SACS: variants seen among roughly 807,000 people sequenced by gnomAD.
SACS encodes the protein sacsin molecular chaperone.
Under a neutral mutation model 348.0 loss-of-function variants are expected in SACS, and 197 were observed. The ratio of observed to expected loss-of-function variants is 0.57; its 90% CI spans 0.50 to 0.64. The LOEUF is 0.64. SACS is among the 30% of genes least tolerant of loss of function. The pLI is 0.00. For synonymous variants in SACS, 1,985 were observed against 1,910.6 expected (o/e 1.04, Z -1.02); for missense variants, 4,999 against 5,360.8 (o/e 0.93, Z 2.11).
At chr13:23,361,905 A>G (rs1332197947) in intron 6 of SACS, among the ~76,000 whole-genome samples, 1 of 152,216 alleles carries the variant, frequency 6.6e-6, no homozygotes, top group African/African-American at 2.4e-5. Flanking sequence ...TACCCAAGAA[A>G]GAAAGAGATG....
rs757255802 is a variant in SACS, at chr13:23,333,391, C to T, written c.10485G>A (p.Glu3495=). ...IENLSYDAKL[E]HLIYLKNRLS... ...ATCTATTCTTAAGGTAGATCAAGTGCTCTAATTTTGCATCATAAGAGAGAT... is the reference window on the plus strand; with the variant it reads ...ATCTATTCTTAAGGTAGATCAAGTGTTCTAATTTTGCATCATAAGAGAGAT... Residue 3495 remains glutamate, a synonymous_variant, in exon 10 of 10, where the codon GAG becomes GAA. Coordinates refer to ENST00000382292, the MANE Select transcript of SACS (RefSeq NM_014363.6). The T allele has an allele frequency of 3.1e-6, 5 of 1,604,836 alleles. No individual in the cohort carries two copies. In the South Asian group the frequency reaches 4.5e-5, roughly 14 times the overall value.
At chr13:23,345,222 T>G (rs1306620092) in intron 9 of SACS, among the ~76,000 whole-genome samples, 1 of 152,204 alleles carries the variant, frequency 6.6e-6, no homozygotes, top group African/African-American at 2.4e-5. Flanking sequence ...AATCTCTTTG[T>G]AAATGTACAG....
chr13:23,431,991 G>A (rs1332659046), intron 1 of SACS, among the ~76,000 whole-genome samples: 3 of 152,164 alleles, frequency 2.0e-5, no homozygotes, highest in Non-Finnish European at 2.9e-5. Context: ...CCTGCTAGGC[G>A]CCTTCATACA....
intron 9 of SACS, among the ~76,000 whole-genome samples, chr13:23,350,550 A>T (rs915612316): frequency 6.6e-6 from 1 of 152,186 alleles, no homozygotes; most frequent in Non-Finnish European, 1.5e-5. Context: ...TTAGAGGAAA[A>T]GTTTCCATAT....
At position 23,409,040 on chromosome 13, in the gene SACS, C is replaced by CTTTT. The variant is rs1175897856; in HGVS notation, c.20+2176_20+2179dup. On this transcript the variant is annotated intron_variant, in intron 2 of 9. Coordinates refer to ENST00000382292, the MANE Select transcript of SACS (RefSeq NM_014363.6). ...TATGGTCTTAATAAAACAAGTTTTA[C>CTTTT]TTTTTTTTTTTTTTTTTTTTTTTTT... 2.8e-3 allele frequency among the ~76,000 whole-genome samples: 99 copies of CTTTT among 35,148 alleles called. 25 individuals are homozygous for CTTTT. Among genetic ancestry groups the CTTTT allele is most frequent in the African/African-American group, 3.4e-3 (30 of 8,724 alleles). The allele number at this position is 35,148 out of a possible 152,430, so 23.1% of individuals were successfully genotyped here. A position where few individuals can be genotyped will look rare whatever the true frequency, so the allele number is the denominator to read the frequency against.
At chr13:23,382,520 T>C (rs1872102103) in intron 2 of SACS, among the ~76,000 whole-genome samples, 1 of 152,226 alleles carries the variant, frequency 6.6e-6, no homozygotes. Context: ...GAAAAAAAGT[T>C]TATTTACTCA....
Position 23,371,168 on chromosome 13 carries a change from G to GA in SACS, c.172-4dup, listed in dbSNP as rs922771267. The GA allele has an allele frequency of 5.0e-6, 8 of 1,590,604 alleles. No individual in the cohort carries two copies. Among genetic ancestry groups the GA allele is most frequent in the Non-Finnish European group, 6.0e-6 (7 of 1,163,126 alleles). On this transcript the variant is annotated splice_region_variant and splice_polypyrimidine_tract_variant and intron_variant, in intron 3 of 9. Coordinates refer to ENST00000382292, the MANE Select transcript of SACS (RefSeq NM_014363.6). Reference sequence around the variant, plus strand: ...CCAATCTTGATCCAGTCAGATAACTGAAAAAAAGCAAAAGAAAATGTATGA... The same window carrying GA: ...CCAATCTTGATCCAGTCAGATAACTGAAAAAAAAGCAAAAGAAAATGTATGA...
At chr13:23,390,505 T>A (rs948552951) in intron 2 of SACS, among the ~76,000 whole-genome samples, 3 of 152,032 alleles carry the variant, frequency 2.0e-5, no homozygotes, top group Non-Finnish European at 4.4e-5. Flanking sequence ...ACAAAAAATA[T>A]AAAAATTAGC....
In SACS at chr13:23,338,576, A is replaced by T. The variant is rs549282518; in HGVS notation, c.5300T>A (p.Phe1767Tyr). 1 of 1,614,120 alleles carries T rather than the reference A, an allele frequency of 6.2e-7. No individual in the cohort carries two copies. The highest frequency in any genetic ancestry group is 2.2e-5 in the East Asian group (1 of 44,876). ...SCILQITVEE[F>Y]HHVFRRIADL... ...AGCAATCCTTCTGAACACATGGTGA[A>T]ATTCTTCCACTGTGATCTGAAGAAT... Residue 1767 changes from phenylalanine (F) to tyrosine (Y), a missense_variant, in exon 10 of 10, where the codon TTT becomes TAT. Around this residue, in one of 6 missense-constraint regions of SACS, gnomAD observed 3,156 missense variants for 3,380.1 expected, o/e 0.93. Transcript: ENST00000382292.
In SACS at chr13:23,330,712, C is replaced by T. The variant is rs751944796; in HGVS notation, c.13164G>A (p.Gln4388=). The T allele has an allele frequency of 1.2e-6, 2 of 1,614,046 alleles. No homozygotes were observed. Among genetic ancestry groups the T allele is most frequent in the South Asian group, 2.2e-5 (2 of 91,054 alleles). Residue 4388 remains glutamine, a synonymous_variant, in exon 10 of 10, where the codon CAG becomes CAA. Coordinates refer to ENST00000382292, the MANE Select transcript of SACS (RefSeq NM_014363.6). ...RTFSTSASRF[Q]SDKYSFQRFY... is the part of the protein sequence containing the mutation. ...ATCTCTGAAATGAGTATTTGTCTGA[C>T]TGAAATCGGGATGCTGAGGTTGAAA...
chr13:23,350,326 T>C (rs1415662722), intron 9 of SACS, among the ~76,000 whole-genome samples: 2 of 152,158 alleles, frequency 1.3e-5, no homozygotes, highest in Non-Finnish European at 2.9e-5. Context: ...TGGACTATGA[T>C]AGAATACAAG....
At chr13:23,399,267 T>C (rs1872849342) in intron 2 of SACS, among the ~76,000 whole-genome samples, 1 of 152,164 alleles carries the variant, frequency 6.6e-6, no homozygotes, top group African/African-American at 2.4e-5. Context: ...GTTTAATTTC[T>C]GACCTCCTTT....
At chr13:23,378,973 C>A (rs371627158) in intron 2 of SACS, among the ~76,000 whole-genome samples, 1 of 152,192 alleles carries the variant, frequency 6.6e-6, no homozygotes, top group African/African-American at 2.4e-5. Context: ...AAAATACACT[C>A]TGATGCACTT....
At chr13:23,381,316 T>C (rs1009695609) in intron 2 of SACS, among the ~76,000 whole-genome samples, 1 of 151,054 alleles carries the variant, frequency 6.6e-6, no homozygotes, top group South Asian at 2.1e-4. Context: ...CTCCAGCGCA[T>C]GGCAATATCA....
rs369388933 is a variant in SACS, at chr13:23,337,391, T to C, written c.6485A>G (p.Asp2162Gly). The C allele has an allele frequency of 1.9e-6, 3 of 1,613,374 alleles. No individual in the cohort carries two copies. Among genetic ancestry groups the C allele is most frequent in the Non-Finnish European group, 2.5e-6 (3 of 1,179,790 alleles). Residue 2162 changes from aspartate (D) to glycine (G), a missense_variant, in exon 10 of 10, where the codon GAT becomes GGT. Transcript: ENST00000382292. ...TACTGACACTGCACGTTCTAGCATA[T>C]CATCCCATAAAATATCATCTTTTGC... is the stretch of plus-strand genomic sequence containing the variant. ...GMAKDDILWD[D>G]MLERAVSVAE...
Position 23,341,712 on chromosome 13 carries a change from G to A in SACS, c.2186-22C>T, listed in dbSNP as rs543690486. ...CTTCCTGTAAATCATACACAGAAATGTCATAAATACATATAATTCTACTAC... is the reference window on the plus strand; with the variant it reads ...CTTCCTGTAAATCATACACAGAAATATCATAAATACATATAATTCTACTAC... On this transcript the variant is annotated intron_variant, in intron 9 of 9. Coordinates refer to ENST00000382292, the MANE Select transcript of SACS (RefSeq NM_014363.6). 5.8e-6 allele frequency: 9 copies of A among 1,558,828 alleles called. No homozygotes were observed. The South Asian group carries it at 8.9e-5, about 15-fold the overall frequency.
At chr13:23,347,195 G>A (rs1274905474) in intron 9 of SACS, among the ~76,000 whole-genome samples, 1 of 152,104 alleles carries the variant, frequency 6.6e-6, no homozygotes, top group Non-Finnish European at 1.5e-5. Context: ...AGAGATTCTA[G>A]ATTAAAAAAC....
chr13:23,393,827 C>A (rs1049458661), intron 2 of SACS, among the ~76,000 whole-genome samples: 10 of 152,130 alleles, frequency 6.6e-5, no homozygotes, highest in Admixed American at 1.3e-4. Context: ...GTGGCACGAT[C>A]TCGGCTCACT....
chr13:23,368,028 C>G (rs1488511513), intron 5 of SACS, among the ~76,000 whole-genome samples: 1 of 152,216 alleles, frequency 6.6e-6, no homozygotes, highest in African/African-American at 2.4e-5. Flanking sequence ...GGCATGCATT[C>G]AAGCCTCTAA....
Sources: allele counts gnomAD v4.1 joint callset (sites outside exome capture counted in the v4.1 genomes callset), GRCh38; gene constraint gnomAD v4.1.1; regional missense constraint gnomAD v4.1.1; transcripts MANE v1.5; gene names NCBI Gene and HGNC (gene_info 2026-07-23, HGNC 2026-07-21).